EPHA6: variants seen among roughly 807,000 people sequenced by gnomAD.
The protein encoded by EPHA6 is EPH receptor A6.
Under a neutral mutation model 112.0 loss-of-function variants are expected in EPHA6, and 50 were observed. The observed-to-expected ratio is 0.45, with a 90% CI of 0.36 to 0.56. EPHA6 has a LOEUF of 0.56. Among genes scored for constraint, EPHA6 ranks in the 20% least tolerant of loss-of-function variants. The pLI is 0.00. For missense variants in EPHA6, 1,280 were observed against 1,417.4 expected (o/e 0.90, Z 1.56); for synonymous variants, 529 against 490.7 (o/e 1.08, Z -1.03).
chr3:96,929,613 C>T (rs2040213501), intron 2 of EPHA6, among the ~76,000 whole-genome samples: 1 of 152,278 alleles, frequency 6.6e-6, no homozygotes, highest in East Asian at 1.9e-4. Context: ...TGTTGGGCTT[C>T]CCTTTGTAGG....
At chr3:96,877,446 A>G (rs1576212573) in intron 2 of EPHA6, among the ~76,000 whole-genome samples, 1 of 152,202 alleles carries the variant, frequency 6.6e-6, no homozygotes, top group East Asian at 1.9e-4. Context: ...CAAAGAATTA[A>G]TGACCGGTTT....
chr3:97,585,184 A>G (rs925309402), intron 11 of EPHA6, among the ~76,000 whole-genome samples: 4 of 152,240 alleles, frequency 2.6e-5, no homozygotes, highest in African/African-American at 9.6e-5. Flanking sequence ...AGACTTTTAG[A>G]GCTTAAAGGA....
chr3:97,685,551 C>T (rs1174609893), intron 14 of EPHA6, among the ~76,000 whole-genome samples: 3 of 152,084 alleles, frequency 2.0e-5, no homozygotes, highest in Non-Finnish European at 4.4e-5. Flanking sequence ...TGACAGAGGC[C>T]TCCACCATCT....
In EPHA6 at chr3:97,085,928, C is replaced by CATATATATATATATAT. The variant is rs67777487; in HGVS notation, c.1114+97941_1114+97956dup. 8.3e-3 allele frequency among the ~76,000 whole-genome samples: 993 copies of CATATATATATATATAT among 119,392 alleles called. 66 individuals carry two copies. Among genetic ancestry groups the CATATATATATATATAT allele is most frequent in the African/African-American group, 0.04 (895 of 22,260 alleles). The allele number at this position is 119,392 out of a possible 152,430, so 78.3% of individuals were successfully genotyped here. ...TTGTGAGCTTTTATATATATGATGTCATATATATATATATATATATACACA... is the reference window on the plus strand; with the variant it reads ...TTGTGAGCTTTTATATATATGATGTCATATATATATATATATATATATATATATATATATATACACA... On this transcript the variant is annotated intron_variant, in intron 3 of 17. Transcript: ENST00000389672.
At chr3:97,357,137 C>A (rs2084121367) in intron 5 of EPHA6, among the ~76,000 whole-genome samples, 1 of 152,140 alleles carries the variant, frequency 6.6e-6, no homozygotes, top group Admixed American at 6.5e-5. Flanking sequence ...ATATCTTTTT[C>A]CATCTTTCCA....
chr3:97,230,278 G>T (rs752990239), intron 4 of EPHA6, among the ~76,000 whole-genome samples: 1 of 152,126 alleles, frequency 6.6e-6, no homozygotes, highest in Non-Finnish European at 1.5e-5. Flanking sequence ...AGAAGGCTTA[G>T]AGTTATTCAG....
At chr3:97,431,340 T>C (rs1291239578) in intron 6 of EPHA6, among the ~76,000 whole-genome samples, 1 of 152,144 alleles carries the variant, frequency 6.6e-6, no homozygotes, top group Non-Finnish European at 1.5e-5. Context: ...GTCAAAAATA[T>C]CATAAGTCTA....
intron 14 of EPHA6, among the ~76,000 whole-genome samples, chr3:97,670,141 G>A (rs1231896330): frequency 6.6e-6 from 1 of 152,148 alleles, no homozygotes; most frequent in Non-Finnish European, 1.5e-5. Flanking sequence ...AGAAAAGACT[G>A]ACCTGACCCA....
chr3:97,389,228 C>T lies in EPHA6; in HGVS notation c.1607-15922C>T, dbSNP rs570855944. Among the ~76,000 whole-genome samples, 46 of 152,230 alleles carry T rather than the reference C, an allele frequency of 3.0e-4. No individual in the cohort carries two copies. In the Middle Eastern group the frequency reaches 0.01, roughly 34 times the overall value. ...GATATAATTCTAAAATTATTAAAGA[C>T]AGTAGTAGTGCATACACTCAGAATG... On this transcript the variant is annotated intron_variant, in intron 5 of 17. Coordinates refer to ENST00000389672, the MANE Select transcript of EPHA6 (RefSeq NM_001080448.3).
At chr3:96,836,193 G>A (rs2034399925) in intron 1 of EPHA6, among the ~76,000 whole-genome samples, 2 of 152,002 alleles carry the variant, frequency 1.3e-5, no homozygotes, top group South Asian at 2.1e-4. Flanking sequence ...TCATACTAGT[G>A]CATGAATAAC....
intron 7 of EPHA6, among the ~76,000 whole-genome samples, chr3:97,473,580 T>C (rs1260477440): frequency 6.6e-6 from 1 of 151,912 alleles, no homozygotes; most frequent in Non-Finnish European, 1.5e-5. Flanking sequence ...AATTATGCTA[T>C]TTATTTTACA....
chr3:97,020,563 A>G (rs2044421197), intron 3 of EPHA6, among the ~76,000 whole-genome samples: 1 of 152,136 alleles, frequency 6.6e-6, no homozygotes, highest in South Asian at 2.1e-4. Context: ...AACACTAAGA[A>G]TTGTAGTTTT....
chr3:97,189,856 A>T lies in EPHA6; in HGVS notation c.1115-36408A>T, dbSNP rs181697247. Among the ~76,000 whole-genome samples the T allele has an allele frequency of 1.6e-4, 25 of 152,226 alleles. No individual in the cohort carries two copies. The East Asian group carries it at 4.5e-3, about 27-fold the overall frequency. On this transcript the variant is annotated intron_variant, in intron 3 of 17. Transcript: ENST00000389672. ...CAAAAATAAAAATGAATATATATAG[A>T]TATATTTAAATGCATTATGATTGGC...
intron 14 of EPHA6, among the ~76,000 whole-genome samples, chr3:97,680,445 G>T (rs936924093): frequency 8.5e-5 from 13 of 152,158 alleles, no homozygotes; most frequent in African/African-American, 2.9e-4. Flanking sequence ...AGTTCCTTGA[G>T]GGAGACATCT....
intron 3 of EPHA6, among the ~76,000 whole-genome samples, chr3:97,184,788 G>C (rs868457959): frequency 6.6e-6 from 1 of 152,168 alleles, no homozygotes; most frequent in Non-Finnish European, 1.5e-5. Flanking sequence ...CAAAGCTGGA[G>C]GCATCACGCT....
intron 3 of EPHA6, among the ~76,000 whole-genome samples, chr3:97,093,176 T>C (rs1459789858): frequency 6.6e-6 from 1 of 152,206 alleles, no homozygotes; most frequent in Non-Finnish European, 1.5e-5. Flanking sequence ...CTATAACTTT[T>C]GGTGGATATC....
intron 7 of EPHA6, among the ~76,000 whole-genome samples, chr3:97,468,139 T>TG (rs551379738): frequency 0.019 from 2,755 of 141,826 alleles, 96 homozygotes; most frequent in African/African-American, 0.074. Context: ...AATCACTTTC[T>TG]GAAAAAAAAA....
chr3:97,555,910 G>A (rs2093101912), intron 11 of EPHA6, among the ~76,000 whole-genome samples: 1 of 151,972 alleles, frequency 6.6e-6, no homozygotes, highest in Non-Finnish European at 1.5e-5. Context: ...TTCTTTTGCT[G>A]TGCAGAAGCT....
chr3:96,910,684 G>A (rs548566653), intron 2 of EPHA6, among the ~76,000 whole-genome samples: 9 of 151,990 alleles, frequency 5.9e-5, no homozygotes, highest in Non-Finnish European at 1.3e-4. Context: ...TTTGAGCAAA[G>A]GGTTGAATGG....
Sources: gnomAD v4.1 joint callset for allele counts (sites outside exome capture counted in the v4.1 genomes callset) on GRCh38, gnomAD v4.1.1 for gene constraint, MANE v1.5 for transcripts, NCBI Gene and HGNC (gene_info 2026-07-23, HGNC 2026-07-21) for gene names.